EPHB1: variants seen among roughly 807,000 people sequenced by gnomAD.
EPHB1 encodes the protein ephrin type-B receptor 1.
In EPHB1, 30 loss-of-function variants were observed where a neutral mutation model predicts 94.4. That is an observed-to-expected ratio of 0.32 (90% CI 0.24 to 0.43). EPHB1 has a LOEUF of 0.43. Among genes scored for constraint, EPHB1 ranks in the 20% least tolerant of loss-of-function variants. The probability of loss-of-function intolerance (pLI) is 1.00; values close to 1 mark genes in which losing one functional copy is unlikely to be tolerated. For missense variants in EPHB1, 1,055 were observed against 1,308.3 expected (o/e 0.81, Z 2.99); for synonymous variants, 522 against 489.1 (o/e 1.07, Z -0.89).
chr3:134,858,494 T>C (rs1340245990), intron 1 of EPHB1, among the ~76,000 whole-genome samples: 1 of 152,082 alleles, frequency 6.6e-6, no homozygotes, highest in African/African-American at 2.4e-5. Flanking sequence ...AGGGAAGTGA[T>C]GGTGTGTTTG....
intron 1 of EPHB1, among the ~76,000 whole-genome samples, chr3:134,865,074 G>A (rs992924819): frequency 2.0e-4 from 30 of 152,094 alleles, no homozygotes; most frequent in African/African-American, 7.0e-4. Context: ...ACATACGTGT[G>A]TGTGTGTGTG....
At chr3:135,100,985 G>A (rs1031430335) in intron 3 of EPHB1, among the ~76,000 whole-genome samples, 18 of 152,014 alleles carry the variant, frequency 1.2e-4, no homozygotes, top group Non-Finnish European at 1.8e-4. Context: ...AAAAAGCCTC[G>A]GCTATGCAAG....
At chr3:135,252,485 G>A (rs1016372492) in intron 15 of EPHB1, among the ~76,000 whole-genome samples, 6 of 148,874 alleles carry the variant, frequency 4.0e-5, no homozygotes, top group Admixed American at 6.7e-5. Context: ...TTGTTCTCCC[G>A]ATAGTTTACT....
chr3:134,827,113 G>T (rs34898281), intron 1 of EPHB1, among the ~76,000 whole-genome samples: 55,927 of 152,130 alleles, frequency 0.37, 13,276 homozygotes, highest in African/African-American at 0.67. Flanking sequence ...TCAAGGAGCT[G>T]GCACTTTCAC....
At chr3:135,258,883 G>A in intron 15 of EPHB1, 129 bp from the exon 16 acceptor site, 3 of 796,568 alleles carry the variant, frequency 3.8e-6, no homozygotes, top group Non-Finnish European at 6.1e-6. Context: ...AAAAATTTGG[G>A]TAAACTTAAG....
intron 9 of EPHB1, among the ~76,000 whole-genome samples, chr3:135,174,529 C>T (rs1941918580): frequency 6.6e-6 from 1 of 152,186 alleles, no homozygotes; most frequent in Non-Finnish European, 1.5e-5. Context: ...CAGATGTGGG[C>T]TCCTGATCCA....
chr3:134,817,248 TGG>T (rs1246256964), intron 1 of EPHB1, among the ~76,000 whole-genome samples: 2 of 152,122 alleles, frequency 1.3e-5, no homozygotes, highest in Non-Finnish European at 2.9e-5. Context: ...CCCCAGGAAT[TGG>T]GGGGCACTGG....
At chr3:134,815,884 T>C (rs2036259273) in intron 1 of EPHB1, among the ~76,000 whole-genome samples, 1 of 152,230 alleles carries the variant, frequency 6.6e-6, no homozygotes, top group Non-Finnish European at 1.5e-5. Context: ...CCACAGCCCC[T>C]GCCCCTAGTT....
chr3:134,869,015 G>A (rs2037442411), intron 1 of EPHB1, among the ~76,000 whole-genome samples: 1 of 152,214 alleles, frequency 6.6e-6, no homozygotes, highest in Non-Finnish European at 1.5e-5. Flanking sequence ...AAGTTTTGTG[G>A]CCTTGGGCAA....
intron 2 of EPHB1, among the ~76,000 whole-genome samples, chr3:134,929,225 C>T (rs1465207406): frequency 1.3e-5 from 2 of 152,100 alleles, no homozygotes; most frequent in African/African-American, 4.8e-5. Flanking sequence ...TCAGTTTTGA[C>T]GTGACAGAGC....
Position 134,951,340 on chromosome 3 carries a change from C to G in EPHB1, c.124-31C>G. 2 of 1,506,284 alleles carry G rather than the reference C, an allele frequency of 1.3e-6. No individual in the cohort carries two copies. The highest frequency in any genetic ancestry group is 1.8e-6 in the Non-Finnish European group (2 of 1,126,090). The allele number at this position is 1,506,284 out of a possible 1,614,324, so 93.3% of individuals were successfully genotyped here. Reference sequence around the variant, plus strand: ...TCTCACTCTCTATTTTGTGTTTTTGCATGTGTGTGCCTGTGGCCTGCTATG... The same window carrying G: ...TCTCACTCTCTATTTTGTGTTTTTGGATGTGTGTGCCTGTGGCCTGCTATG... On this transcript the variant is annotated intron_variant, in intron 2 of 15. Transcript: ENST00000398015. The surrounding 1 kb of genome is among the most constrained non-coding windows in gnomAD (Gnocchi z 4.5).
intron 3 of EPHB1, among the ~76,000 whole-genome samples, chr3:135,082,795 C>T (rs1169015221): frequency 2.0e-5 from 3 of 152,182 alleles, no homozygotes; most frequent in Non-Finnish European, 2.9e-5. Flanking sequence ...CCCAAGCTTC[C>T]GCTTATTTAA....
intron 3 of EPHB1, among the ~76,000 whole-genome samples, chr3:135,005,211 C>T (rs995738582): frequency 6.6e-6 from 1 of 152,136 alleles, no homozygotes; most frequent in Non-Finnish European, 1.5e-5. Context: ...TGTTGGAGTA[C>T]CCTGCAGTGT....
chr3:135,222,445 T>C (rs1205540857), intron 12 of EPHB1, among the ~76,000 whole-genome samples: 2 of 152,166 alleles, frequency 1.3e-5, no homozygotes, highest in Non-Finnish European at 2.9e-5. Context: ...TTTTCTAGGA[T>C]ATTTATATTT....
intron 11 of EPHB1, among the ~76,000 whole-genome samples, chr3:135,198,322 C>T (rs1022925989): frequency 2.0e-4 from 31 of 152,216 alleles, no homozygotes; most frequent in African/African-American, 7.5e-4. Flanking sequence ...CCTCCTTTAT[C>T]TTGTCTGTGA....
At chr3:135,196,760 G>C (rs1307872923) in intron 11 of EPHB1, among the ~76,000 whole-genome samples, 8 of 152,064 alleles carry the variant, frequency 5.3e-5, no homozygotes, top group Non-Finnish European at 7.4e-5. Flanking sequence ...AGCGTCTTTG[G>C]AGAGTGGCTA....
At chr3:135,192,201 C>T (rs1942472219) in intron 10 of EPHB1, among the ~76,000 whole-genome samples, 2 of 59,066 alleles carry the variant, frequency 3.4e-5, no homozygotes, top group Admixed American at 3.5e-4. Context: ...TGTTCTTGCA[C>T]CAGTATCTGC....
intron 2 of EPHB1, among the ~76,000 whole-genome samples, chr3:134,939,733 T>A (rs2039078941): frequency 6.6e-6 from 1 of 152,188 alleles, no homozygotes; most frequent in Non-Finnish European, 1.5e-5. Flanking sequence ...GAAGAATCTT[T>A]GGCCTCCTGT....
At chr3:134,857,485 T>G (rs1578142476) in intron 1 of EPHB1, among the ~76,000 whole-genome samples, 1 of 152,040 alleles carries the variant, frequency 6.6e-6, no homozygotes, top group African/African-American at 2.4e-5. Context: ...AGCCCTGGGG[T>G]CCGTGCCCAC....
Sources: gnomAD v4.1 joint callset for allele counts (sites outside exome capture counted in the v4.1 genomes callset) on GRCh38, gnomAD v4.1.1 for gene constraint, Gnocchi (gnomAD v3.1) non-coding constraint, MANE v1.5 for transcripts, NCBI Gene and HGNC (gene_info 2026-07-23, HGNC 2026-07-21) for gene names.